Variants in CERK observed in about 807,000 individuals in gnomAD.
The protein encoded by CERK is ceramide kinase.
In CERK, 39 loss-of-function variants were observed where a neutral mutation model predicts 63.4. That is an observed-to-expected ratio of 0.61 (90% CI 0.48 to 0.80). CERK has a LOEUF of 0.80. Among genes scored for constraint, CERK ranks in the 30% least tolerant of loss-of-function variants. The probability of loss-of-function intolerance (pLI) is 0.00; values close to 1 mark genes in which losing one functional copy is unlikely to be tolerated. For missense variants in CERK, 670 were observed against 714.1 expected (o/e 0.94, Z 0.70); for synonymous variants, 302 against 280.0 (o/e 1.08, Z -0.78).
Position 46,691,009 on chromosome 22 carries a change from A to G in CERK, c.1332+563T>C, listed in dbSNP as rs184984735. Among the ~76,000 whole-genome samples, 48 of 151,170 alleles carry G rather than the reference A, an allele frequency of 3.2e-4. No homozygotes were observed. The East Asian group carries it at 9.1e-3, about 29-fold the overall frequency. ...TGTATATGTATGTATGTGTATGTAT[A>G]TACACATATATGTATATATACACAT... On this transcript the variant is annotated intron_variant, in intron 11 of 12. Coordinates refer to ENST00000216264, the MANE Select transcript of CERK (RefSeq NM_022766.6).
chr22:46,736,898 C>G (rs1350775535), intron 1 of CERK, among the ~76,000 whole-genome samples: 1 of 152,146 alleles, frequency 6.6e-6, no homozygotes, highest in Non-Finnish European at 1.5e-5. Flanking sequence ...TCCCAGGCTC[C>G]GAATATCCAC....
intron 10 of CERK, 69 bp from the exon 11 acceptor site, chr22:46,691,846 G>A: frequency 5.9e-6 from 8 of 1,363,856 alleles, no homozygotes; most frequent in Non-Finnish European, 8.1e-6. Flanking sequence ...CACCAGGACG[G>A]TGGGAGGCCA....
intron 3 of CERK, among the ~76,000 whole-genome samples, chr22:46,716,153 G>A (rs1188546035): frequency 6.6e-6 from 1 of 151,616 alleles, no homozygotes. Flanking sequence ...TTGTGCCACT[G>A]CACTCCGGCC....
chr22:46,724,083 G>A (rs778439684), intron 1 of CERK, among the ~76,000 whole-genome samples: 10 of 151,894 alleles, frequency 6.6e-5, no homozygotes, highest in African/African-American at 1.9e-4. Flanking sequence ...CTCCACCACC[G>A]CTAAGACAGC....
At chr22:46,706,168 A>G (rs1031279991) in intron 6 of CERK, among the ~76,000 whole-genome samples, 1 of 152,222 alleles carries the variant, frequency 6.6e-6, no homozygotes, top group Non-Finnish European at 1.5e-5. Context: ...CAGATATCTA[A>G]GAGGGAGTTT....
chr22:46,695,766 AGCT>A (rs2082753068), intron 8 of CERK, among the ~76,000 whole-genome samples: 1 of 152,234 alleles, frequency 6.6e-6, no homozygotes, highest in African/African-American at 2.4e-5. Context: ...CGTCCTGAAC[AGCT>A]CAGGACAGAG....
chr22:46,711,102 T>C lies in CERK; in HGVS notation c.553A>G (p.Ile185Val), dbSNP rs748900090. 19 of 1,613,730 alleles carry C rather than the reference T, an allele frequency of 1.2e-5. No homozygotes were observed. Among genetic ancestry groups the C allele is most frequent in the East Asian group, 8.9e-5 (4 of 44,894 alleles). The change falls in exon 5 of 13, where the codon ATA becomes GTA. Residue 185 changes from isoleucine to valine, a missense_variant. Transcript: ENST00000216264. ...CTTACTCACCCGTCGTATTTGTCTA[T>C]GTTAATCTCATACAGAGTCTCCTTG... is the stretch of plus-strand genomic sequence containing the variant. The part of the protein sequence containing the change: ...QAKETLYEIN[I>V]DKYDGIVCVG...
rs569778101 is a variant in CERK, at chr22:46,714,008, G to C, written c.380-1715C>G. On this transcript the variant is annotated intron_variant, in intron 3 of 12. Transcript: ENST00000216264. This position sits in a 1 kb window ranked among gnomAD's most constrained non-coding sequence, Gnocchi z 4.4. ...AATCAGGCCAGGCTCAGTGGCTCAC[G>C]CCTGTTAATCCCAACACTTTGGGAG... Among the ~76,000 whole-genome samples the C allele has an allele frequency of 3.5e-3, 537 of 152,236 alleles. 2 individuals carry two copies. The highest frequency in any genetic ancestry group is 0.012 in the African/African-American group (504 of 41,520).
rs1417492973 is a variant in CERK at position 46,684,711 on chromosome 22, A to T, written c.*2423T>A. 3 of 151,830 alleles carry T rather than the reference A, an allele frequency of 2.0e-5. No individual in the cohort carries two copies. Among genetic ancestry groups the T allele is most frequent in the Admixed American group, 6.6e-5 (1 of 15,246 alleles). The allele number at this position is 151,830 out of a possible 1,614,324, so 9.4% of individuals were successfully genotyped here. ...TTTTACTATCTAACCAGCACTTCTG[A>T]TTTTTTTTCCCTTAAAACTCTAAAG... is the stretch of plus-strand genomic sequence containing the variant. On this transcript the variant is annotated 3_prime_UTR_variant, in exon 13 of 13. Transcript: ENST00000216264.
At chr22:46,723,339 G>A (rs1601726966) in intron 1 of CERK, among the ~76,000 whole-genome samples, 1 of 152,124 alleles carries the variant, frequency 6.6e-6, no homozygotes. Flanking sequence ...AGAACACAGG[G>A]CGGACACAGT....
chr22:46,696,307 C>T (rs1316696044), intron 8 of CERK, among the ~76,000 whole-genome samples: 1 of 152,220 alleles, frequency 6.6e-6, no homozygotes, highest in Non-Finnish European at 1.5e-5. Context: ...CGGGCCCTTC[C>T]AGGTGGCTGC....
chr22:46,686,914 A>G lies in CERK; in HGVS notation c.*220T>C, dbSNP rs570954967. ...CCCAAGTGAGCAGCTGCATCCGCTGAGAGTAAGCGGCGTGGGCTGCAACCC... is the reference window on the plus strand; with the variant it reads ...CCCAAGTGAGCAGCTGCATCCGCTGGGAGTAAGCGGCGTGGGCTGCAACCC... On this transcript the variant is annotated 3_prime_UTR_variant, in exon 13 of 13. Coordinates refer to ENST00000216264, the MANE Select transcript of CERK (RefSeq NM_022766.6). 37 of 523,450 alleles carry G rather than the reference A, an allele frequency of 7.1e-5. No individual in the cohort carries two copies. The highest frequency in any genetic ancestry group is 6.5e-4 in the African/African-American group (34 of 52,592). The allele number at this position is 523,450 out of a possible 1,614,324, so 32.4% of individuals were successfully genotyped here.
At chr22:46,687,784 C>T (rs975841881) in intron 12 of CERK, among the ~76,000 whole-genome samples, 2 of 152,178 alleles carry the variant, frequency 1.3e-5, no homozygotes, top group Non-Finnish European at 2.9e-5. Context: ...GGCTCGGTGG[C>T]CACAGTGAGT....
intron 3 of CERK, among the ~76,000 whole-genome samples, chr22:46,717,216 G>C (rs922597369): frequency 6.6e-6 from 1 of 152,204 alleles, no homozygotes; most frequent in Non-Finnish European, 1.5e-5. Context: ...AATGCAGGCT[G>C]GCAGCGTCTT....
chr22:46,736,229 C>A (rs1449214839), intron 1 of CERK, among the ~76,000 whole-genome samples: 1 of 152,278 alleles, frequency 6.6e-6, no homozygotes, highest in African/African-American at 2.4e-5. Flanking sequence ...CCACACCAAG[C>A]CCTGACCTGG....
chr22:46,697,181 T>C (rs1252466331), intron 8 of CERK, among the ~76,000 whole-genome samples: 1 of 152,228 alleles, frequency 6.6e-6, no homozygotes, highest in Admixed American at 6.5e-5. Flanking sequence ...AAGATTTTAG[T>C]ATCAGGAATT....
intron 7 of CERK, among the ~76,000 whole-genome samples, chr22:46,701,370 C>T (rs1361714468): frequency 6.6e-6 from 1 of 152,234 alleles, no homozygotes; most frequent in Non-Finnish European, 1.5e-5. Context: ...GAGCTGAGTA[C>T]GGGCATCGCG....
At chr22:46,710,012 C>CA (rs1306630318) in intron 5 of CERK, among the ~76,000 whole-genome samples, 1 of 152,146 alleles carries the variant, frequency 6.6e-6, no homozygotes, top group Non-Finnish European at 1.5e-5. Context: ...TCCAAGAAGC[C>CA]AGCTAGCCAA....
rs1420255773 is a variant in CERK at position 46,686,997 on chromosome 22, G to T, written c.*137C>A. On this transcript the variant is annotated 3_prime_UTR_variant, in exon 13 of 13. Coordinates refer to ENST00000216264, the MANE Select transcript of CERK (RefSeq NM_022766.6). ...TGTACACAAAATTGTTGACAAAAGGGTTTTCTTCTAAAATCAAGATTTAAC... is the reference window on the plus strand; with the variant it reads ...TGTACACAAAATTGTTGACAAAAGGTTTTTCTTCTAAAATCAAGATTTAAC... 6 of 783,810 alleles carry T rather than the reference G, an allele frequency of 7.7e-6. No homozygotes were observed. The highest frequency in any genetic ancestry group is 1.2e-5 in the Non-Finnish European group (6 of 499,560). 48.6% of individuals were successfully genotyped at this position (783,810 alleles called of 1,614,324 possible).
Sources: allele counts gnomAD v4.1 joint callset (sites outside exome capture counted in the v4.1 genomes callset), GRCh38; gene constraint gnomAD v4.1.1; non-coding constraint Gnocchi (gnomAD v3.1); transcripts MANE v1.5; gene names NCBI Gene and HGNC (gene_info 2026-07-23, HGNC 2026-07-21).